NUMA1: variants seen among roughly 807,000 people sequenced by gnomAD.
NUMA1 encodes nuclear mitotic apparatus protein 1.
NUMA1 carries 62 observed loss-of-function variants against 237.1 expected under a neutral mutation model. The observed-to-expected ratio is 0.26, with a 90% CI of 0.21 to 0.32. NUMA1 has a LOEUF of 0.32. Among genes scored for constraint, NUMA1 ranks in the 10% least tolerant of loss-of-function variants. The probability of loss-of-function intolerance (pLI) is 1.00; values close to 1 mark genes in which losing one functional copy is unlikely to be tolerated. For synonymous variants in NUMA1, 1,028 were observed against 1,066.1 expected, an observed-to-expected ratio of 0.96 and a Z score of 0.70; for missense variants, 2,533 against 2,666.5, an observed-to-expected ratio of 0.95 and a Z score of 1.10.
chr11:72,010,647 A>G (rs923683784), intron 17 of NUMA1, 139 bp downstream of exon 17: 1 of 801,604 alleles, frequency 1.2e-6, no homozygotes, highest in Non-Finnish European at 2.0e-6. Flanking sequence ...AGGGGCTTCT[A>G]AGCCACAGGC....
chr11:72,005,425 T>C, intron 22 of NUMA1, 56 bp from the exon 23 acceptor site: 1 of 1,565,264 alleles, frequency 6.4e-7, no homozygotes, highest in Non-Finnish European at 8.7e-7. Context: ...GGTCACCTCC[T>C]GGCCCTGGCA....
chr11:72,012,407 A>C lies in NUMA1; in HGVS notation c.4644T>G (p.Thr1548=), dbSNP rs1292957160. The change falls in exon 16 of 27, where the codon ACT becomes ACG. Residue 1548 remains threonine (T), a synonymous_variant. Transcript: ENST00000393695. ...CGAGGACCTCAGGCATTACCTGCTT[A>C]GTTTGCTCTCTCTGAAATACCTCTA... The part of the protein sequence containing the change: ...EQLEVFQREQ[T]KQVEELSKKL... 3 of 1,613,182 alleles carry C rather than the reference A, an allele frequency of 1.9e-6. No individual in the cohort carries two copies. The Admixed American group carries it at 5.0e-5, about 27-fold the overall frequency.
At chr11:72,065,659 A>AT (rs1943166138) in intron 2 of NUMA1, 1 of 152,184 alleles carries the variant, frequency 6.6e-6, no homozygotes, top group East Asian at 1.9e-4. Context: ...AATATATACT[A>AT]TTTTTCAATC....
intron 1 of NUMA1, among the ~76,000 whole-genome samples, chr11:72,073,208 A>AAATT (rs1943545817): frequency 6.6e-6 from 1 of 150,422 alleles, no homozygotes; most frequent in African/African-American, 2.5e-5. Context: ...AAAATCAAAA[A>AAATT]AATTAGCCGG....
chr11:72,014,804 T>C lies in NUMA1; in HGVS notation c.2699A>G (p.Asp900Gly). 2 of 1,614,198 alleles carry C rather than the reference T, an allele frequency of 1.2e-6. No individual in the cohort carries two copies. Among genetic ancestry groups the C allele is most frequent in the Non-Finnish European group, 1.7e-6 (2 of 1,180,026 alleles). ...EKEVRAQKLA[D>G]DLSTLQEKMA... Reference sequence around the variant, plus strand: ...CTTTTCCTGCAGAGTGGAGAGGTCATCTGCAAGCTTCTGGGCCCTGACTTC... The same window carrying C: ...CTTTTCCTGCAGAGTGGAGAGGTCACCTGCAAGCTTCTGGGCCCTGACTTC... Residue 900 changes from aspartate (D) to glycine (G), a missense_variant, in exon 15 of 27, where the codon GAT (aspartate) becomes GGT (glycine). By Grantham distance (94) the Asp-to-Gly change is moderately conservative. Around this residue, in one of 3 missense-constraint regions of NUMA1, gnomAD observed 1,414 missense variants for 1,508.1 expected, o/e 0.94. Coordinates refer to ENST00000393695, the MANE Select transcript of NUMA1 (RefSeq NM_006185.4). This position sits in a 1 kb window ranked among gnomAD's most constrained non-coding sequence, Gnocchi z 4.6.
intron 1 of NUMA1, among the ~76,000 whole-genome samples, chr11:72,073,306 CA>C (rs58179034): frequency 0.066 from 4,583 of 69,256 alleles, 205 homozygotes; most frequent in African/African-American, 0.19. Flanking sequence ...GACCCTGTCT[CA>C]AAAAAAAAAA....
rs368545245 is a variant in NUMA1, at chr11:72,065,457, G to A, written c.-33+4385C>T. 34 of 151,972 alleles carry A rather than the reference G, an allele frequency of 2.2e-4. No homozygotes were observed. In the South Asian group the frequency reaches 7.1e-3, roughly 32 times the overall value. 9.4% of individuals were successfully genotyped at this position (151,972 alleles called of 1,614,324 possible). On this transcript the variant is annotated intron_variant, in intron 2 of 26. Transcript: ENST00000393695. ...TTATATAATGAAAAAATGGTAAATG[G>A]GGAAAAAAGCAGAATATAAAATTTT...
In NUMA1 at chr11:72,014,386, G is replaced by A. The variant is rs778442958; in HGVS notation, c.3117C>T (p.Asn1039=). 3 of 1,612,116 alleles carry A rather than the reference G, an allele frequency of 1.9e-6. No homozygotes were observed. Among genetic ancestry groups the A allele is most frequent in the East Asian group, 4.5e-5 (2 of 44,878 alleles). Residue 1039 remains asparagine, a synonymous_variant, in exon 15 of 27, where the codon AAC becomes AAT. Coordinates refer to ENST00000393695, the MANE Select transcript of NUMA1 (RefSeq NM_006185.4). This position sits in a 1 kb window ranked among gnomAD's most constrained non-coding sequence, Gnocchi z 4.6. The stretch of plus-strand genomic sequence containing the variant: ...GGGTAGCGAACTCCACACGCTGCTC[G>A]TTGAGGGCGTTCTGCAGCCGCATCT... ...ELEMRLQNAL[N]EQRVEFATLQ...
At chr11:72,012,342 T>C (rs372088725) in intron 16 of NUMA1, 59 bp downstream of exon 16, 197 of 1,545,866 alleles carry the variant, frequency 1.3e-4, no homozygotes, top group Non-Finnish European at 1.7e-4. Context: ...GCCGGGCTCA[T>C]GCACCAAGAC....
At chr11:72,074,717 T>G (rs1166635641) in intron 1 of NUMA1, among the ~76,000 whole-genome samples, 3 of 151,946 alleles carry the variant, frequency 2.0e-5, no homozygotes, top group African/African-American at 7.3e-5. Flanking sequence ...CCAGCCAGAG[T>G]GACAGAGCAA....
intron 1 of NUMA1, among the ~76,000 whole-genome samples, chr11:72,070,440 T>C (rs537309466): frequency 1.3e-5 from 2 of 152,334 alleles, no homozygotes; most frequent in South Asian, 4.1e-4. Context: ...GCCAAGCCTT[T>C]TCTCATTTCC....
At chr11:72,037,601 C>T (rs142699753) in intron 2 of NUMA1, among the ~76,000 whole-genome samples, 1,840 of 152,284 alleles carry the variant, frequency 0.012, 24 homozygotes, top group Non-Finnish European at 0.02. Context: ...GGGCTTATAG[C>T]AGGGTAGGGA....
At chr11:72,025,752 C>T (rs961421804) in intron 4 of NUMA1, among the ~76,000 whole-genome samples, 1 of 152,184 alleles carries the variant, frequency 6.6e-6, no homozygotes, top group East Asian at 1.9e-4. Flanking sequence ...TCCCCCCATA[C>T]CCCATGTGAT....
chr11:72,040,871 A>C (rs1016567607), intron 2 of NUMA1: 7 of 151,448 alleles, frequency 4.6e-5, no homozygotes, highest in Admixed American at 4.6e-4. Flanking sequence ...GTGAGGGGGG[A>C]GAATCCACCC....
At chr11:72,063,460 G>A (rs1253849452) in intron 2 of NUMA1, among the ~76,000 whole-genome samples, 5 of 151,964 alleles carry the variant, frequency 3.3e-5, no homozygotes, top group Non-Finnish European at 5.9e-5. Flanking sequence ...TTGAGAGGCC[G>A]AGGCAGGATG....
At chr11:72,077,373 AAGAC>A (rs1487570958) in intron 1 of NUMA1, among the ~76,000 whole-genome samples, 2 of 152,260 alleles carry the variant, frequency 1.3e-5, no homozygotes, top group Middle Eastern at 6.8e-3. Context: ...AACAGAAAGA[AAGAC>A]AGGTTACCCA....
Position 72,010,638 on chromosome 11 carries a change from G to A in NUMA1, c.4719+148C>T, listed in dbSNP as rs543414888. ...CGAGAGCTCCCAGAAGACACATGCA[G>A]GGGCTTCTAAGCCACAGGCTTCCTA... is the stretch of plus-strand genomic sequence containing the variant. On this transcript the variant is annotated intron_variant, in intron 17 of 26. Transcript: ENST00000393695. The A allele has an allele frequency of 1.9e-5, 14 of 729,594 alleles. No homozygotes were observed. The African/African-American group carries it at 2.1e-4, about 11-fold the overall frequency. 45.2% of individuals were successfully genotyped at this position (729,594 alleles called of 1,614,324 possible). A position where few individuals can be genotyped will look rare whatever the true frequency, so the allele number is the denominator to read the frequency against.
At chr11:72,011,253 G>GATT (rs1956143971) in intron 16 of NUMA1, among the ~76,000 whole-genome samples, 1 of 152,190 alleles carries the variant, frequency 6.6e-6, no homozygotes, top group Non-Finnish European at 1.5e-5. Flanking sequence ...CATACTCAAT[G>GATT]AATTCCCATG....
chr11:72,012,221 TGA>T, intron 16 of NUMA1, 178 bp downstream of exon 16: 1 of 611,500 alleles, frequency 1.6e-6, no homozygotes, highest in Non-Finnish European at 2.9e-6. Flanking sequence ...GGATGAGGCC[TGA>T]GAGAGCCCAG....
Sources: allele counts gnomAD v4.1 joint callset (sites outside exome capture counted in the v4.1 genomes callset), GRCh38; gene constraint gnomAD v4.1.1; regional missense constraint gnomAD v4.1.1; non-coding constraint Gnocchi (gnomAD v3.1); transcripts MANE v1.5; gene names NCBI Gene and HGNC (gene_info 2026-07-23, HGNC 2026-07-21).